SUPT3H: variants seen among roughly 807,000 people sequenced by gnomAD.
SUPT3H encodes the protein SPT3 homolog, SAGA and STAGA complex component.
SUPT3H carries 44 observed loss-of-function variants against 44.3 expected under a neutral mutation model. The observed-to-expected ratio is 0.99, with a 90% confidence interval of 0.78 to 1.28. The LOEUF (loss-of-function observed/expected upper bound fraction) is 1.28. SUPT3H is among the 50% of genes most tolerant of loss of function. The pLI, the probability that SUPT3H is intolerant of heterozygous loss-of-function variation, is 0.00. For missense variants in SUPT3H, 380 were observed against 387.1 expected, an observed-to-expected ratio of 0.98 and a Z score of 0.15; for synonymous variants, 124 against 125.6, an observed-to-expected ratio of 0.99 and a Z score of 0.09.
At chr6:45,018,253 C>G (rs559204264) in intron 4 of SUPT3H, among the ~76,000 whole-genome samples, 2 of 152,068 alleles carry the variant, frequency 1.3e-5, no homozygotes, top group Admixed American at 6.6e-5. Flanking sequence ...TGGGCTGAGA[C>G]GATGGGGTTT....
At chr6:45,292,949 A>T (rs1360400602) in intron 2 of SUPT3H, among the ~76,000 whole-genome samples, 3 of 151,740 alleles carry the variant, frequency 2.0e-5, no homozygotes, top group African/African-American at 7.3e-5. Context: ...GTCAACAAAG[A>T]AACAATGGAT....
At chr6:45,269,571 A>T (rs922580495) in intron 2 of SUPT3H, among the ~76,000 whole-genome samples, 1 of 152,212 alleles carries the variant, frequency 6.6e-6, no homozygotes, top group Non-Finnish European at 1.5e-5. Context: ...CGACATTTGA[A>T]TGGTTAGGAA....
At chr6:45,065,060 G>T (rs1162943028) in intron 3 of SUPT3H, among the ~76,000 whole-genome samples, 3 of 150,806 alleles carry the variant, frequency 2.0e-5, no homozygotes, top group African/African-American at 7.3e-5. Flanking sequence ...ATACTGGGAA[G>T]TAAAGCTCTC....
intron 3 of SUPT3H, among the ~76,000 whole-genome samples, chr6:45,060,840 TG>T (rs1791890415): frequency 6.6e-6 from 1 of 151,964 alleles, no homozygotes; most frequent in African/African-American, 2.4e-5. Flanking sequence ...AACAAACATA[TG>T]AAAAAAGGAT....
intron 6 of SUPT3H, among the ~76,000 whole-genome samples, chr6:45,002,414 C>T (rs993744560): frequency 6.6e-6 from 1 of 151,864 alleles, no homozygotes; most frequent in East Asian, 1.9e-4. Flanking sequence ...TTTACTAATG[C>T]TTTATGTATT....
intron 2 of SUPT3H, among the ~76,000 whole-genome samples, chr6:45,232,054 T>G (rs1768159156): frequency 6.6e-6 from 1 of 152,228 alleles, no homozygotes; most frequent in South Asian, 2.1e-4. Flanking sequence ...AATTTTACAT[T>G]CTTTTTCCAG....
At chr6:44,913,715 T>C (rs551090156) in intron 10 of SUPT3H, among the ~76,000 whole-genome samples, 15 of 152,362 alleles carry the variant, frequency 9.8e-5, no homozygotes, top group African/African-American at 3.1e-4. Context: ...GTTGTGTCTA[T>C]GAGAACACAC....
At chr6:45,068,773 C>T (rs1167643246) in intron 3 of SUPT3H, among the ~76,000 whole-genome samples, 1 of 151,884 alleles carries the variant, frequency 6.6e-6, no homozygotes, top group African/African-American at 2.4e-5. Flanking sequence ...CTCATTTTGC[C>T]TCTTCAGTCT....
At chr6:45,073,365 A>G (rs150156958) in intron 3 of SUPT3H, among the ~76,000 whole-genome samples, 317 of 152,140 alleles carry the variant, frequency 2.1e-3, no homozygotes, top group African/African-American at 7.3e-3. Flanking sequence ...CAATCTACCC[A>G]TGGATTTGTT....
At chr6:45,260,772 CT>C (rs1392388282) in intron 2 of SUPT3H, among the ~76,000 whole-genome samples, 1 of 152,082 alleles carries the variant, frequency 6.6e-6, no homozygotes, top group Non-Finnish European at 1.5e-5. Flanking sequence ...AAAAGATCAT[CT>C]CTGAACAATG....
intron 2 of SUPT3H, chr6:45,250,989 A>G (rs1302531894): frequency 6.6e-6 from 1 of 151,840 alleles, no homozygotes; most frequent in Non-Finnish European, 1.5e-5. Flanking sequence ...TTTCATTTTT[A>G]GTAGAGACAG....
intron 2 of SUPT3H, among the ~76,000 whole-genome samples, chr6:45,152,393 C>T (rs1583861154): frequency 6.6e-6 from 1 of 152,298 alleles, no homozygotes; most frequent in Admixed American, 6.5e-5. Flanking sequence ...AAGCTGCTAT[C>T]ATCTCTAGCC....
intron 4 of SUPT3H, among the ~76,000 whole-genome samples, chr6:45,017,901 A>C (rs1315400354): frequency 6.8e-6 from 1 of 147,186 alleles, no homozygotes; most frequent in Non-Finnish European, 1.5e-5. Context: ...TGGTAGCTTT[A>C]TGGGGATGGC....
intron 10 of SUPT3H, among the ~76,000 whole-genome samples, chr6:44,833,546 C>A (rs1769259086): frequency 6.6e-6 from 1 of 151,494 alleles, no homozygotes. Context: ...TTAATTTGAA[C>A]TTACTTACAC....
chr6:44,834,333 A>C (rs1039103616), intron 10 of SUPT3H, among the ~76,000 whole-genome samples: 2 of 152,160 alleles, frequency 1.3e-5, no homozygotes. Context: ...GCAGAAATTG[A>C]AGTTTTCAGA....
In SUPT3H at chr6:45,057,022, T is replaced by C. The variant is rs574641403; in HGVS notation, c.187-36390A>G. 9.9e-5 allele frequency among the ~76,000 whole-genome samples: 15 copies of C among 152,162 alleles called. No homozygotes were observed. The South Asian group carries it at 2.5e-3, about 25-fold the overall frequency. The stretch of plus-strand genomic sequence containing the variant: ...GGCTTTAAATAAGGTATTATAAACA[T>C]AGAATTGAAAGATGTATTTGAGTGT... On this transcript the variant is annotated intron_variant, in intron 3 of 10. Transcript: ENST00000371459.
At chr6:44,961,857 T>A (rs1776077204) in intron 6 of SUPT3H, 29 bp from the exon 7 acceptor site, 1 of 1,518,214 alleles carries the variant, frequency 6.6e-7, no homozygotes, top group Admixed American at 1.9e-5. Context: ...TAACATTTTT[T>A]AAAGCAAGCA....
chr6:45,275,264 T>G (rs72858562), intron 2 of SUPT3H, among the ~76,000 whole-genome samples: 191 of 152,272 alleles, frequency 1.3e-3, no homozygotes, highest in Middle Eastern at 3.4e-3. Context: ...TTCTATTTCT[T>G]GGTCTGCTTA....
At chr6:45,174,891 T>C (rs905477087) in intron 2 of SUPT3H, among the ~76,000 whole-genome samples, 8 of 151,580 alleles carry the variant, frequency 5.3e-5, no homozygotes, top group Non-Finnish European at 8.8e-5. Context: ...AAAATGTCAC[T>C]TCTAAACCAG....
Sources: gnomAD v4.1 joint callset for allele counts (sites outside exome capture counted in the v4.1 genomes callset) on GRCh38, gnomAD v4.1.1 for gene constraint, MANE v1.5 for transcripts, NCBI Gene and HGNC (gene_info 2026-07-23, HGNC 2026-07-21) for gene names.